AZIN1: variants seen among roughly 807,000 people sequenced by gnomAD.
AZIN1 encodes ornithine decarboxylase antizyme inhibitor.
AZIN1 carries 12 observed loss-of-function variants against 47.4 expected under a neutral mutation model. The observed-to-expected ratio is 0.25, with a 90% CI of 0.16 to 0.41. AZIN1 has a LOEUF of 0.41. Ranked by LOEUF, AZIN1 falls within the 10% of genes least tolerant of loss-of-function variation. The pLI, the probability that AZIN1 is intolerant of heterozygous loss-of-function variation, is 1.00. For synonymous variants in AZIN1, 155 were observed against 176.3 expected (o/e 0.88, Z 0.96); for missense variants, 410 against 532.4 (o/e 0.77, Z 2.26).
intron 2 of AZIN1, among the ~76,000 whole-genome samples, chr8:102,853,456 C>T (rs753849036): frequency 2.0e-5 from 3 of 152,106 alleles, no homozygotes; most frequent in Non-Finnish European, 2.9e-5. Flanking sequence ...GAGCTGAAAT[C>T]GCGCCACTGC....
chr8:102,834,978 TAAC>T lies in AZIN1; in HGVS notation c.585-234_585-232del, dbSNP rs1304903236. ...CTGTAATTCTATAAACAAAAATTCT[TAAC>T]AATAAGTCAATTATCAGTACTGTTC... On this transcript the variant is annotated intron_variant, in intron 6 of 11. Transcript: ENST00000337198. The T allele has an allele frequency of 8.3e-5, 39 of 470,864 alleles. No individual in the cohort carries two copies. In the South Asian group the frequency reaches 9.9e-4, roughly 12 times the overall value. 29.2% of individuals were successfully genotyped at this position (470,864 alleles called of 1,614,324 possible).
At chr8:102,849,235 G>GT (rs1812776243) in intron 2 of AZIN1, among the ~76,000 whole-genome samples, 1 of 152,164 alleles carries the variant, frequency 6.6e-6, no homozygotes, top group African/African-American at 2.4e-5. Context: ...GGAGGTTACA[G>GT]TGAGCTGAGA....
intron 9 of AZIN1, among the ~76,000 whole-genome samples, chr8:102,831,915 A>T (rs1158912370): frequency 6.6e-6 from 1 of 152,182 alleles, no homozygotes; most frequent in Admixed American, 6.5e-5. Context: ...TGATGGAGCC[A>T]CTGTACTCCA....
chr8:102,829,884 A>G lies in AZIN1; in HGVS notation c.957T>C (p.Gly319=). 6.2e-7 allele frequency: 1 copy of G among 1,613,648 alleles called. No homozygotes were observed. Among genetic ancestry groups the G allele is most frequent in the East Asian group, 2.2e-5 (1 of 44,854 alleles). Residue 319 remains glycine (G), a synonymous_variant, in exon 10 of 12, where the codon GGT becomes GGC. Transcript: ENST00000337198. ...EPAFMYYMND[G]VYGSFASKLS... ...GTTTACTTGCAAAAGAACCATAAAC[A>G]CCATCATTCATATAATACATGAAGG...
At chr8:102,840,704 A>G (rs896129422) in intron 3 of AZIN1, among the ~76,000 whole-genome samples, 4 of 152,252 alleles carry the variant, frequency 2.6e-5, no homozygotes. Flanking sequence ...AGTGTTAGAT[A>G]GCAGGCAAAA....
chr8:102,843,037 G>C (rs1303258647), intron 3 of AZIN1, among the ~76,000 whole-genome samples: 2 of 151,816 alleles, frequency 1.3e-5, no homozygotes, highest in Non-Finnish European at 2.9e-5. Context: ...GCGAAACCTC[G>C]TCTCTACTAA....
chr8:102,851,381 T>C (rs1812907981), intron 2 of AZIN1, among the ~76,000 whole-genome samples: 1 of 152,196 alleles, frequency 6.6e-6, no homozygotes, highest in African/African-American at 2.4e-5. Flanking sequence ...ATACAGTAAT[T>C]GCAACCAAGA....
intron 3 of AZIN1, among the ~76,000 whole-genome samples, chr8:102,842,261 T>C (rs907281783): frequency 3.3e-5 from 5 of 152,088 alleles, no homozygotes; most frequent in Non-Finnish European, 7.4e-5. Context: ...TGAAAGTAAA[T>C]TAATATCCAC....
intron 1 of AZIN1, among the ~76,000 whole-genome samples, chr8:102,860,885 T>C (rs932144479): frequency 9.2e-5 from 14 of 152,220 alleles, no homozygotes; most frequent in Non-Finnish European, 1.3e-4. Context: ...GGGAGTATTC[T>C]ACCAGATATC....
chr8:102,839,743 C>G lies in AZIN1; in HGVS notation c.183G>C (p.Gln61His), dbSNP rs1475494406. The change falls in exon 4 of 12, where the codon CAG (glutamine) becomes CAC (histidine). Residue 61 changes from glutamine (Q) to histidine (H), a missense_variant. By Grantham distance (24) the Gln-to-His change is conservative. Coordinates refer to ENST00000337198, the MANE Select transcript of AZIN1 (RefSeq NM_148174.4). ...KHSQWQNVVA[Q>H]IKPFYTVKCN... ...ACTTCACTGTGTAGAATGGCTTTATCTGAGCCACTACATTCTGCCATTGAC... is the reference window on the plus strand; with the variant it reads ...ACTTCACTGTGTAGAATGGCTTTATGTGAGCCACTACATTCTGCCATTGAC... The G allele has an allele frequency of 1.2e-6, 2 of 1,609,604 alleles. No homozygotes were observed. The highest frequency in any genetic ancestry group is 4.5e-5 in the East Asian group (2 of 44,780).
At chr8:102,831,529 G>A (rs1811459623) in intron 9 of AZIN1, among the ~76,000 whole-genome samples, 1 of 150,826 alleles carries the variant, frequency 6.6e-6, no homozygotes, top group South Asian at 2.1e-4. Context: ...TGTAATCCCA[G>A]CTACTTGGGA....
At chr8:102,832,108 G>A (rs1811499407) in intron 9 of AZIN1, among the ~76,000 whole-genome samples, 1 of 152,014 alleles carries the variant, frequency 6.6e-6, no homozygotes, top group Admixed American at 6.5e-5. Flanking sequence ...CCCAAACTAA[G>A]GATCAGCTAT....
chr8:102,830,088 GAA>G (rs1811338496), intron 9 of AZIN1, 152 bp from the exon 10 acceptor site: 2 of 596,916 alleles, frequency 3.4e-6, no homozygotes, highest in African/African-American at 3.8e-5. Context: ...ATGAGCACAA[GAA>G]AAGAGTGCTC....
rs1813073454 is a variant in AZIN1, at chr8:102,853,692, T to C, written c.-96+4321A>G. Among the ~76,000 whole-genome samples the C allele has an allele frequency of 3.9e-5, 6 of 152,300 alleles. No individual in the cohort carries two copies. The South Asian group carries it at 6.2e-4, about 16-fold the overall frequency. ...ACTTTACACAAGCACTGACACACCA[T>C]TGACTCTACTTTATGTATGCCAAGG... On this transcript the variant is annotated intron_variant, in intron 2 of 11. Coordinates refer to ENST00000337198, the MANE Select transcript of AZIN1 (RefSeq NM_148174.4).
chr8:102,849,763 CCT>C (rs144532135), intron 2 of AZIN1, among the ~76,000 whole-genome samples: 14,901 of 152,218 alleles, frequency 0.098, 954 homozygotes, highest in Non-Finnish European at 0.15. Context: ...TTAATAATTT[CCT>C]CTTAGACTCA....
At chr8:102,836,472 TG>T in intron 5 of AZIN1, 82 bp from the exon 6 acceptor site, 1 of 1,434,956 alleles carries the variant, frequency 7.0e-7, no homozygotes, top group Non-Finnish European at 9.6e-7. Flanking sequence ...GTAGGAAGTG[TG>T]TTGATTATGT....
chr8:102,854,031 TC>T (rs1467542229), intron 2 of AZIN1, among the ~76,000 whole-genome samples: 1 of 151,882 alleles, frequency 6.6e-6, no homozygotes, highest in Non-Finnish European at 1.5e-5. Flanking sequence ...AACCTCCGCC[TC>T]CCGGGTTCAA....
At chr8:102,851,674 G>A (rs1244304515) in intron 2 of AZIN1, among the ~76,000 whole-genome samples, 1 of 152,078 alleles carries the variant, frequency 6.6e-6, no homozygotes, top group East Asian at 1.9e-4. Context: ...CCACTGCCCT[G>A]GGTGACAGAG....
rs1811139529 is a variant in AZIN1, at chr8:102,826,830, A to G, written c.*1737T>C. On this transcript the variant is annotated 3_prime_UTR_variant, in exon 12 of 12. Transcript: ENST00000337198. ...GTTCCCCCTCCTTGTTAAATGGTTAAAAAAAGTTACATGGTAGCTTGGAAT... is the reference window on the plus strand; with the variant it reads ...GTTCCCCCTCCTTGTTAAATGGTTAGAAAAAGTTACATGGTAGCTTGGAAT... The G allele has an allele frequency of 6.6e-6, 1 of 152,612 alleles. No homozygotes were observed. The highest frequency in any genetic ancestry group is 2.4e-5 in the African/African-American group (1 of 41,442). 9.5% of individuals were successfully genotyped at this position (152,612 alleles called of 1,614,324 possible).
Sources: gnomAD v4.1 joint callset for allele counts (sites outside exome capture counted in the v4.1 genomes callset) on GRCh38, gnomAD v4.1.1 for gene constraint, MANE v1.5 for transcripts, NCBI Gene and HGNC (gene_info 2026-07-23, HGNC 2026-07-21) for gene names.